The following CDC14B variants were observed in gnomAD, a reference collection of about 807,000 sequenced individuals.
CDC14B encodes the protein cell division cycle 14B.
Under a neutral mutation model 64.2 loss-of-function variants are expected in CDC14B, and 22 were observed. The ratio of observed to expected loss-of-function variants is 0.34; its 90% CI spans 0.24 to 0.49. The LOEUF (loss-of-function observed/expected upper bound fraction) is 0.49, where lower values mean the gene tolerates loss of function less well. Among genes scored for constraint, CDC14B ranks in the 20% least tolerant of loss-of-function variants. The pLI, the probability that CDC14B is intolerant of heterozygous loss-of-function variation, is 0.99. For missense variants in CDC14B, 498 were observed against 629.9 expected (o/e 0.79, Z 2.24); for synonymous variants, 191 against 215.8 (o/e 0.89, Z 1.01).
At chr9:96,570,355 T>G (rs1025064657) in intron 1 of CDC14B, among the ~76,000 whole-genome samples, 1 of 152,198 alleles carries the variant, frequency 6.6e-6, no homozygotes, top group African/African-American at 2.4e-5. Flanking sequence ...AAGAACCCTA[T>G]TTGGACCTAG....
At chr9:96,586,247 G>T (rs1472663311) in intron 1 of CDC14B, among the ~76,000 whole-genome samples, 2 of 152,128 alleles carry the variant, frequency 1.3e-5, no homozygotes, top group African/African-American at 4.8e-5. Context: ...CAGAATTAAT[G>T]AAGTATTCTG....
chr9:96,565,648 T>C (rs1327674135), intron 1 of CDC14B, 165 bp from the exon 2 acceptor site: 8 of 660,420 alleles, frequency 1.2e-5, no homozygotes, highest in African/African-American at 3.7e-5. Flanking sequence ...GCTATTTGGG[T>C]GGGAATAATC....
At chr9:96,542,938 A>G (rs538902247) in intron 5 of CDC14B, among the ~76,000 whole-genome samples, 1 of 151,922 alleles carries the variant, frequency 6.6e-6, no homozygotes, top group Admixed American at 6.6e-5. Flanking sequence ...AACAAGAGAG[A>G]TGGAGGTTGC....
intron 1 of CDC14B, among the ~76,000 whole-genome samples, chr9:96,603,601 A>G (rs16911410): frequency 1.3e-3 from 200 of 152,328 alleles, no homozygotes; most frequent in African/African-American, 3.8e-3. Flanking sequence ...CTGCAGAAAA[A>G]TTATTTCTAA....
chr9:96,509,360 T>C (rs936054766), intron 13 of CDC14B, among the ~76,000 whole-genome samples: 2 of 152,352 alleles, frequency 1.3e-5, no homozygotes, highest in African/African-American at 4.8e-5. Context: ...GTATCTGATA[T>C]ACACCTAGAA....
intron 4 of CDC14B, among the ~76,000 whole-genome samples, chr9:96,557,516 T>C (rs1046550949): frequency 5.3e-5 from 8 of 152,354 alleles, no homozygotes; most frequent in African/African-American, 1.9e-4. Flanking sequence ...GAGTCCAAGA[T>C]AATTAAATCA....
intron 1 of CDC14B, chr9:96,618,588 C>A (rs775384689): frequency 1.9e-6 from 1 of 533,204 alleles, no homozygotes; most frequent in South Asian, 1.4e-5. Flanking sequence ...CCTTCCTTCT[C>A]GAGGCCCCGG....
At chr9:96,495,365 G>A (rs1833200301), downstream of CDC14B, among the ~76,000 whole-genome samples, 2 of 151,762 alleles carry the variant, frequency 1.3e-5, no homozygotes, top group Admixed American at 6.6e-5. Context: ...CAGCAAGGCT[G>A]CCCTTTCTGG....
rs1449137809 is a variant in CDC14B at position 96,502,986 on chromosome 9, C to G, written c.*767G>C. On this transcript the variant is annotated 3_prime_UTR_variant, in exon 14 of 14. Transcript: ENST00000375241. ...TGACTGGCAACCAAACAATGGGCAG[C>G]CTCCCAGTTCTTCAGTCCCTGAAGG... The G allele has an allele frequency of 2.5e-6, 1 of 397,690 alleles. No homozygotes were observed. The highest frequency in any genetic ancestry group is 4.4e-6 in the Non-Finnish European group (1 of 225,534). 24.6% of individuals were successfully genotyped at this position (397,690 alleles called of 1,614,324 possible).
At chr9:96,534,218 T>C in intron 8 of CDC14B, 61 bp from the exon 9 acceptor site, 1 of 1,038,040 alleles carries the variant, frequency 9.6e-7, no homozygotes, top group Non-Finnish European at 1.4e-6. Context: ...GCTAATAGTT[T>C]CACCTGTAAC....
intron 7 of CDC14B, among the ~76,000 whole-genome samples, chr9:96,537,338 A>T (rs16911141): frequency 0.052 from 7,944 of 151,884 alleles, 695 homozygotes; most frequent in African/African-American, 0.18. Flanking sequence ...TAGAAAATAA[A>T]TTTTTTTTTG....
At chr9:96,613,407 C>A (rs539713340) in intron 1 of CDC14B, among the ~76,000 whole-genome samples, 14 of 152,332 alleles carry the variant, frequency 9.2e-5, no homozygotes, top group African/African-American at 2.9e-4. Context: ...ACTGGCAACT[C>A]CCTGGCATCA....
intron 1 of CDC14B, among the ~76,000 whole-genome samples, chr9:96,613,448 T>C (rs893832025): frequency 6.6e-6 from 1 of 152,236 alleles, no homozygotes; most frequent in Non-Finnish European, 1.5e-5. Flanking sequence ...TTATTCCACC[T>C]TCCATTCATG....
At chr9:96,547,369 G>C (rs186062710) in intron 5 of CDC14B, among the ~76,000 whole-genome samples, 2 of 151,804 alleles carry the variant, frequency 1.3e-5, no homozygotes, top group African/African-American at 4.8e-5. Context: ...AGGAGGCTGA[G>C]GCAGGAGAAT....
At chr9:96,547,656 C>T (rs1448047583) in intron 5 of CDC14B, among the ~76,000 whole-genome samples, 1 of 152,054 alleles carries the variant, frequency 6.6e-6, no homozygotes, top group African/African-American at 2.4e-5. Flanking sequence ...TCTTGCTATG[C>T]TGCAAGGCTG....
rs1336432745 is a variant in CDC14B at position 96,522,487 on chromosome 9, C to A, written c.1343+19G>T. The A allele has an allele frequency of 8.4e-6, 13 of 1,551,936 alleles. No individual in the cohort carries two copies. Among genetic ancestry groups the A allele is most frequent in the African/African-American group, 1.4e-5 (1 of 73,800 alleles). On this transcript the variant is annotated intron_variant, in intron 12 of 13. Coordinates refer to ENST00000375241, the MANE Select transcript of CDC14B (RefSeq NM_033331.4). ...ACATATGAAGAAACATCAACCACAA[C>A]AAAGGAACCCAGACTCACGTGAGAG...
Position 96,523,670 on chromosome 9 carries a change from C to T in CDC14B, c.1002G>A (p.Arg334=). 1 of 1,614,128 alleles carries T rather than the reference C, an allele frequency of 6.2e-7. No individual in the cohort carries two copies. The highest frequency in any genetic ancestry group is 8.5e-7 in the Non-Finnish European group (1 of 1,180,022). Residue 334 remains arginine, a synonymous_variant, in exon 10 of 14, where the codon AGG becomes AGA. Coordinates refer to ENST00000375241, the MANE Select transcript of CDC14B (RefSeq NM_033331.4). Reference sequence around the variant, plus strand: ...ACGCAATGGTCTCGGCTGCTGTCATCCTGTAATGCTTCATGATGTAGCAGG... The same window carrying T: ...ACGCAATGGTCTCGGCTGCTGTCATTCTGTAATGCTTCATGATGTAGCAGG... ...LIACYIMKHY[R]MTAAETIAWV...
intron 1 of CDC14B, among the ~76,000 whole-genome samples, chr9:96,608,453 T>G (rs1460998789): frequency 6.6e-6 from 1 of 152,180 alleles, no homozygotes; most frequent in Non-Finnish European, 1.5e-5. Flanking sequence ...AAGAGCAAAC[T>G]GAGAACAACT....
chr9:96,586,537 C>T (rs975560769), intron 1 of CDC14B, among the ~76,000 whole-genome samples: 2 of 152,140 alleles, frequency 1.3e-5, no homozygotes, highest in African/African-American at 2.4e-5. Context: ...TGGGCTCAGG[C>T]GATCCTCCCA....
Sources: gnomAD v4.1 joint callset for allele counts (sites outside exome capture counted in the v4.1 genomes callset) on GRCh38, gnomAD v4.1.1 for gene constraint, MANE v1.5 for transcripts, NCBI Gene and HGNC (gene_info 2026-07-23, HGNC 2026-07-21) for gene names.